Variants in ELOF1 observed in about 807,000 individuals in gnomAD.
The protein encoded by ELOF1 is elongation factor 1, also known as transcription elongation factor 1 homolog.
Under a neutral mutation model 7.1 loss-of-function variants are expected in ELOF1, and 4 were observed. The observed-to-expected ratio is 0.56, with a 90% CI of 0.28 to 1.29. The LOEUF (loss-of-function observed/expected upper bound fraction) is 1.29, where lower values mean the gene tolerates loss of function less well. Ranked by LOEUF, ELOF1 falls within the 50% of genes most tolerant of loss-of-function variation. The pLI is 0.10. For synonymous variants in ELOF1, 31 were observed against 31.9 expected, an observed-to-expected ratio of 0.97 and a Z score of 0.09; for missense variants, 59 against 86.3, an observed-to-expected ratio of 0.68 and a Z score of 1.25.
chr19:11,553,942 C>G, intron 3 of ELOF1, 69 bp downstream of exon 3: 1 of 1,612,006 alleles, frequency 6.2e-7, no homozygotes, highest in South Asian at 1.1e-5. Context: ...CACAGTGGGC[C>G]AGATGAGCAG....
At chr19:11,556,356 G>A (rs1488965197) in intron 1 of ELOF1, among the ~76,000 whole-genome samples, 4 of 151,778 alleles carry the variant, frequency 2.6e-5, no homozygotes, top group Admixed American at 2.0e-4. Context: ...CTGGAGTGCA[G>A]TGGCATGATC....
intron 1 of ELOF1, among the ~76,000 whole-genome samples, chr19:11,557,056 C>G (rs1463330364): frequency 6.6e-6 from 1 of 152,166 alleles, no homozygotes; most frequent in East Asian, 1.9e-4. Flanking sequence ...TCTCTGCAGG[C>G]TGTTTTAGTG....
chr19:11,553,778 A>T (rs757786782), intron 3 of ELOF1: 2 of 1,614,184 alleles, frequency 1.2e-6, no homozygotes, highest in Non-Finnish European at 1.7e-6. Flanking sequence ...GCGTCTATCC[A>T]ATCACTGTAC....
chr19:11,557,594 TA>T (rs56991908), intron 1 of ELOF1, among the ~76,000 whole-genome samples: 399 of 78,090 alleles, frequency 5.1e-3, no homozygotes, highest in Middle Eastern at 0.011. Context: ...AAACTTCATC[TA>T]AAAAAAAAAA....
chr19:11,554,184 G>A (rs745744285), intron 2 of ELOF1, 48 bp downstream of exon 2: 2 of 1,613,494 alleles, frequency 1.2e-6, no homozygotes, highest in Non-Finnish European at 1.7e-6. Flanking sequence ...AGAACAGCGG[G>A]GAAGAGGCAG....
At chr19:11,556,589 A>G (rs10415967) in intron 1 of ELOF1, among the ~76,000 whole-genome samples, 34,954 of 151,930 alleles carry the variant, frequency 0.23, 7,501 homozygotes, top group African/African-American at 0.57. Flanking sequence ...GTGAGCCACC[A>G]CGCCCAGCCA....
intron 3 of ELOF1, chr19:11,553,415 G>GAAC (rs1367430195): frequency 2.0e-6 from 1 of 497,362 alleles, no homozygotes; most frequent in Non-Finnish European, 3.6e-6. Flanking sequence ...GGGCTGCAGG[G>GAAC]AACACAGCAA....
intron 3 of ELOF1, chr19:11,553,642 A>G: frequency 8.1e-7 from 1 of 1,235,922 alleles, no homozygotes; most frequent in Non-Finnish European, 1.2e-6. Context: ...CGGCTGTGAC[A>G]GCCCAGGACC....
chr19:11,556,089 G>T (rs987126758), intron 1 of ELOF1, among the ~76,000 whole-genome samples: 1 of 152,076 alleles, frequency 6.6e-6, no homozygotes, highest in Non-Finnish European at 1.5e-5. Context: ...TTACCACTGA[G>T]CCCAACTCCC....
At chr19:11,553,208 C>G (rs369309792) in intron 3 of ELOF1, 1 of 400,090 alleles carries the variant, frequency 2.5e-6, no homozygotes, top group East Asian at 3.6e-5. Context: ...TGGGGAACGG[C>G]GGCTTTGAAT....
At chr19:11,553,645 C>T in intron 3 of ELOF1, 2 of 1,347,678 alleles carry the variant, frequency 1.5e-6, no homozygotes, top group Admixed American at 1.9e-5. Context: ...CTGTGACAGC[C>T]CAGGACCCAC....
chr19:11,554,560 G>A (rs1972800100), intron 1 of ELOF1, 195 bp from the exon 2 acceptor site: 1 of 753,902 alleles, frequency 1.3e-6, no homozygotes, highest in South Asian at 2.0e-5. Context: ...GGGGTGAGAC[G>A]AGGCTCTAAC....
At chr19:11,553,619 A>T in intron 3 of ELOF1, 1 of 866,722 alleles carries the variant, frequency 1.2e-6, no homozygotes, top group Non-Finnish European at 1.7e-6. Flanking sequence ...ACACACACAC[A>T]CACACACACA....
intron 3 of ELOF1, chr19:11,553,547 C>T (rs1225320300): frequency 8.3e-6 from 5 of 605,792 alleles, no homozygotes; most frequent in Non-Finnish European, 1.4e-5. Flanking sequence ...CACACACCCA[C>T]ACTCACTCAC....
rs997685859 is a variant in ELOF1 at position 11,553,229 on chromosome 19, G to A, written c.188-174C>T. ...ACGGCGGCTTTGAATCCCCGGCCAC[G>A]GGCACTAGAAGGTGGAGAAGGAGAG... On this transcript the variant is annotated intron_variant, in intron 3 of 3. Transcript: ENST00000586683. 6.0e-5 allele frequency: 24 copies of A among 398,558 alleles called. No individual in the cohort carries two copies. In the East Asian group the frequency reaches 6.1e-4, roughly 10 times the overall value. The allele number at this position is 398,558 out of a possible 1,614,324, so 24.7% of individuals were successfully genotyped here.
At chr19:11,555,676 G>A (rs1449948057) in intron 1 of ELOF1, 2 of 152,936 alleles carry the variant, frequency 1.3e-5, no homozygotes, top group African/African-American at 4.8e-5. Context: ...GGAGAGAGGA[G>A]GGACAGGTGG....
chr19:11,553,463 C>T (rs1171425238), intron 3 of ELOF1: 1 of 583,218 alleles, frequency 1.7e-6, no homozygotes, highest in Non-Finnish European at 3.1e-6. Context: ...TCAGGCCCCT[C>T]AGGCCCAGGA....
chr19:11,554,898 G>C (rs1306022480), intron 1 of ELOF1: 3 of 152,846 alleles, frequency 2.0e-5, no homozygotes, highest in East Asian at 3.9e-4. Context: ...TGATGATCCA[G>C]AGTTATGATC....
chr19:11,553,991 G>C lies in ELOF1; in HGVS notation c.187+20C>G. 1.2e-6 allele frequency: 2 copies of C among 1,614,158 alleles called. No individual in the cohort carries two copies. Among genetic ancestry groups the C allele is most frequent in the Non-Finnish European group, 1.7e-6 (2 of 1,180,012 alleles). ...GCCCCCTCCCCACCCTCTGGAAAAA[G>C]CCCAGGTTTCCAAGGATACACGTTA... On this transcript the variant is annotated intron_variant, in intron 3 of 3. Transcript: ENST00000586683.
Sources: allele counts gnomAD v4.1 joint callset (sites outside exome capture counted in the v4.1 genomes callset), GRCh38; gene constraint gnomAD v4.1.1; transcripts MANE v1.5; gene names NCBI Gene and HGNC (gene_info 2026-07-23, HGNC 2026-07-21).